The following MAP4K4 variants were observed in gnomAD, a reference collection of about 807,000 sequenced individuals.
MAP4K4 encodes the protein HPK/GCK-like kinase HGK.
MAP4K4 carries 38 observed loss-of-function variants against 189.6 expected under a neutral mutation model. The ratio of observed to expected loss-of-function variants is 0.20; its 90% CI spans 0.15 to 0.26. The LOEUF is 0.26. Among genes scored for constraint, MAP4K4 ranks in the 10% least tolerant of loss-of-function variants. MAP4K4 has a pLI of 1.00. For missense variants in MAP4K4, 1,054 were observed against 1,726.9 expected (o/e 0.61, Z 6.91); for synonymous variants, 610 against 624.3 (o/e 0.98, Z 0.34).
intron 12 of MAP4K4, among the ~76,000 whole-genome samples, chr2:101,854,497 C>T (rs1576817264): frequency 6.6e-6 from 1 of 152,290 alleles, no homozygotes; most frequent in Middle Eastern, 3.4e-3. Context: ...AGACTCAGAA[C>T]TTCACTGAGA....
rs368067977 is a variant in MAP4K4 at position 101,785,547 on chromosome 2, T to C, written c.124-5173T>C. Among the ~76,000 whole-genome samples the C allele has an allele frequency of 3.9e-5, 6 of 152,352 alleles. No individual in the cohort carries two copies. In the South Asian group the frequency reaches 1.2e-3, roughly 32 times the overall value. On this transcript the variant is annotated intron_variant, in intron 2 of 32. Transcript: ENST00000324219. ...GCCTCTCAACGAATATATTTAATCA[T>C]CAAATGTGTTTTAAAGGGATAATTG...
chr2:101,765,217 G>A (rs1224587076), intron 2 of MAP4K4, among the ~76,000 whole-genome samples: 1 of 152,160 alleles, frequency 6.6e-6, no homozygotes, highest in Non-Finnish European at 1.5e-5. Context: ...GGGAGGAAGG[G>A]GTATTGGGAA....
exon 33 of MAP4K4, chr2:101,893,007 TG>T (rs776274333): frequency 3.9e-5 from 18 of 456,318 alleles, no homozygotes; most frequent in Admixed American, 2.3e-4. Flanking sequence ...TTTTCCTTTG[TG>T]GTTAATTTTC....
chr2:101,779,858 AAATATGAAT>A (rs1329042369), intron 2 of MAP4K4, among the ~76,000 whole-genome samples: 1 of 152,028 alleles, frequency 6.6e-6, no homozygotes, highest in Non-Finnish European at 1.5e-5. Context: ...GTAGTGAGTA[AAATATGAAT>A]ATACAGCATA....
chr2:101,812,790 A>G (rs114120607), intron 3 of MAP4K4, among the ~76,000 whole-genome samples: 23 of 152,338 alleles, frequency 1.5e-4, no homozygotes, highest in African/African-American at 5.3e-4. Context: ...AAATAGCACC[A>G]ACTTGTCTTC....
exon 19 of MAP4K4, chr2:101,866,435 G>C: frequency 1.2e-6 from 2 of 1,611,656 alleles, no homozygotes; most frequent in Non-Finnish European, 1.7e-6. Flanking sequence ...CAGCAGTATT[G>C]AGCCCAGGCT....
At chr2:101,788,276 A>C (rs1323063568) in intron 2 of MAP4K4, among the ~76,000 whole-genome samples, 1 of 152,202 alleles carries the variant, frequency 6.6e-6, no homozygotes, top group Non-Finnish European at 1.5e-5. Context: ...TTGGAGTGGA[A>C]TGAGGATGAA....
chr2:101,885,052 A>T, intron 28 of MAP4K4, 135 bp from the exon 29 acceptor site: 1 of 472,008 alleles, frequency 2.1e-6, no homozygotes, highest in Non-Finnish European at 3.8e-6. Flanking sequence ...CTCTCTCTGA[A>T]TTTTTCCCCT....
rs531625565 is a variant in MAP4K4 at position 101,807,325 on chromosome 2, C to T, written c.180+16549C>T. ...CACGCAGTCCTCCTGCCTCGGCCTC[C>T]CAGAGTGCTAAGATTATAGGTATGA... On this transcript the variant is annotated intron_variant, in intron 3 of 32. Coordinates refer to ENST00000324219, the Ensembl canonical transcript of MAP4K4. Among the ~76,000 whole-genome samples the T allele has an allele frequency of 2.0e-5, 3 of 152,194 alleles. No homozygotes were observed. In the East Asian group the frequency reaches 5.8e-4, roughly 29 times the overall value.
intron 2 of MAP4K4, among the ~76,000 whole-genome samples, chr2:101,756,255 T>C (rs2072724503): frequency 6.6e-6 from 1 of 152,074 alleles, no homozygotes; most frequent in African/African-American, 2.4e-5. Flanking sequence ...GACACCTTGA[T>C]CTTAATGAAG....
chr2:101,726,169 T>C (rs1559110190), intron 2 of MAP4K4, among the ~76,000 whole-genome samples: 1 of 152,236 alleles, frequency 6.6e-6, no homozygotes, highest in Non-Finnish European at 1.5e-5. Flanking sequence ...TTGATGTCTG[T>C]GTTAGTTGCA....
intron 3 of MAP4K4, among the ~76,000 whole-genome samples, chr2:101,796,822 T>C (rs1367002502): frequency 6.6e-6 from 1 of 152,184 alleles, no homozygotes; most frequent in Non-Finnish European, 1.5e-5. Context: ...CATCTTCCAG[T>C]ATTCCTAGCG....
exon 33 of MAP4K4, chr2:101,891,987 T>TAAAAAAAAAAAAAAAAAAAAA (rs60620198): frequency 3.3e-5 from 2 of 59,818 alleles, no homozygotes; most frequent in African/African-American, 7.3e-5. Flanking sequence ...CAGATGGTTC[T>TAAAAAAAAAAAAAAAAAAAAA]AAAAAAAAAA....
intron 2 of MAP4K4, among the ~76,000 whole-genome samples, chr2:101,700,214 C>T (rs149086278): frequency 2.0e-5 from 3 of 152,250 alleles, no homozygotes; most frequent in Non-Finnish European, 4.4e-5. Flanking sequence ...GAATGAAACC[C>T]CAGTTTGTCT....
intron 29 of MAP4K4, among the ~76,000 whole-genome samples, chr2:101,885,772 G>A (rs2098471524): frequency 6.6e-6 from 1 of 152,060 alleles, no homozygotes; most frequent in South Asian, 2.1e-4. Context: ...TTCCATTTTT[G>A]TTTCAATAAA....
chr2:101,856,217 TAC>T (rs1372836245), intron 13 of MAP4K4, 79 bp downstream of exon 13: 13 of 1,403,678 alleles, frequency 9.3e-6, no homozygotes, highest in Non-Finnish European at 1.3e-5. Flanking sequence ...TTAGAAAGTA[TAC>T]ACACATGTGA....
intron 2 of MAP4K4, among the ~76,000 whole-genome samples, chr2:101,734,328 G>A (rs1439799106): frequency 2.0e-5 from 3 of 152,094 alleles, no homozygotes; most frequent in Admixed American, 2.0e-4. Flanking sequence ...TATGTGTACA[G>A]AACTTACTAT....
In MAP4K4 at chr2:101,834,472, CTTTCT is replaced by C. The variant is rs1559123653; in HGVS notation, c.694+18_694+22del. ...GGCAGAAGGTGCTCCCCGTAAGTAACTTTCTTTTCTTTTTAGCTCACTTGTTACAT... is the reference window on the plus strand; with the variant it reads ...GGCAGAAGGTGCTCCCCGTAAGTAACTTTCTTTTTAGCTCACTTGTTACAT... On this transcript the variant is annotated intron_variant, in intron 8 of 32. Transcript: ENST00000324219. 6.2e-7 allele frequency: 1 copy of C among 1,600,854 alleles called. No homozygotes were observed. Among genetic ancestry groups the C allele is most frequent in the Non-Finnish European group, 8.5e-7 (1 of 1,172,038 alleles).
At chr2:101,737,510 T>A (rs2060942396) in intron 2 of MAP4K4, among the ~76,000 whole-genome samples, 1 of 138,090 alleles carries the variant, frequency 7.2e-6, no homozygotes, top group Non-Finnish European at 1.5e-5. Flanking sequence ...TGTTGTCTCA[T>A]TTGATGGATC....
Sources: allele counts gnomAD v4.1 joint callset (sites outside exome capture counted in the v4.1 genomes callset), GRCh38; gene constraint gnomAD v4.1.1; transcripts MANE v1.5; gene names NCBI Gene and HGNC (gene_info 2026-07-23, HGNC 2026-07-21).